The following PIK3C2G variants were observed in gnomAD, a reference collection of about 807,000 sequenced individuals.
PIK3C2G encodes the protein phosphatidylinositol 3-kinase C2 domain-containing subunit gamma.
PIK3C2G carries 168 observed loss-of-function variants against 181.1 expected under a neutral mutation model. That is an observed-to-expected ratio of 0.93 (90% confidence interval 0.82 to 1.05). The LOEUF (loss-of-function observed/expected upper bound fraction) is 1.05, where lower values mean the gene tolerates loss of function less well. Among genes scored for constraint, PIK3C2G ranks in the 50% least tolerant of loss-of-function variants. The probability of loss-of-function intolerance (pLI) is 0.00; values close to 1 mark genes in which losing one functional copy is unlikely to be tolerated. For synonymous variants in PIK3C2G, 573 were observed against 592.2 expected (o/e 0.97, Z 0.47); for missense variants, 1,869 against 1,732.8 (o/e 1.08, Z -1.40).
At chr12:18,426,960 T>C (rs1246974907) in intron 18 of PIK3C2G, among the ~76,000 whole-genome samples, 7 of 152,204 alleles carry the variant, frequency 4.6e-5, no homozygotes, top group African/African-American at 1.7e-4. Flanking sequence ...AATGAAGTCT[T>C]ATTTTCTTCA....
At chr12:18,683,117 C>T in the PIK3C2G span, 12 of 853,662 alleles carry the variant, frequency 1.4e-5, no homozygotes, top group Admixed American at 2.6e-4. Context: ...TGAATGGGCT[C>T]AATATTTCTA....
intron 29 of PIK3C2G, among the ~76,000 whole-genome samples, chr12:18,573,682 C>A (rs1300956298): frequency 1.3e-5 from 2 of 152,176 alleles, no homozygotes; most frequent in African/African-American, 4.8e-5. Context: ...AATGGCCTAA[C>A]CTACTATCAC....
At chr12:18,446,604 G>A (rs1285836450) in intron 18 of PIK3C2G, among the ~76,000 whole-genome samples, 2 of 152,130 alleles carry the variant, frequency 1.3e-5, no homozygotes, top group African/African-American at 4.8e-5. Context: ...CAAGTTGTTT[G>A]AATGGTGCAT....
At position 18,497,701 on chromosome 12, in the gene PIK3C2G, A is replaced by G. The variant is rs771793429; in HGVS notation, c.2969A>G (p.Asp990Gly). 20 of 1,612,622 alleles carry G rather than the reference A, an allele frequency of 1.2e-5. No homozygotes were observed. The highest frequency in any genetic ancestry group is 6.8e-6 in the Non-Finnish European group (8 of 1,178,878). Residue 990 changes from aspartate to glycine, a missense_variant, in exon 22 of 33, where the codon GAT (aspartate) becomes GGT (glycine). Transcript: ENST00000538779. Reference sequence around the variant, plus strand: ...AATATTTGGCTGCAGGAAGGCTTGGATATGCAAATGATCATTTATAGATGT... The same window carrying G: ...AATATTTGGCTGCAGGAAGGCTTGGGTATGCAAATGATCATTTATAGATGT... ...MDNIWLQEGL[D>G]MQMIIYRCLS...
intron 8 of PIK3C2G, among the ~76,000 whole-genome samples, chr12:18,330,162 C>T (rs762090776): frequency 6.6e-6 from 1 of 151,954 alleles, no homozygotes; most frequent in Non-Finnish European, 1.5e-5. Flanking sequence ...AGTCACTTTT[C>T]TTAAAGTTTA....
intron 16 of PIK3C2G, among the ~76,000 whole-genome samples, chr12:18,409,499 A>G (rs564721234): frequency 6.6e-6 from 1 of 152,258 alleles, no homozygotes; most frequent in South Asian, 2.1e-4. Context: ...ATACCTATGT[A>G]ACAAACCTGC....
At chr12:18,543,835 A>G (rs1944291343) in intron 25 of PIK3C2G, among the ~76,000 whole-genome samples, 1 of 151,784 alleles carries the variant, frequency 6.6e-6, no homozygotes. Flanking sequence ...ATTATCCCAG[A>G]CATTTATTAA....
chr12:18,675,705 A>C, the PIK3C2G span, among the ~76,000 whole-genome samples: 1 of 152,172 alleles, frequency 6.6e-6, no homozygotes, highest in Admixed American at 6.6e-5. Flanking sequence ...AAAAAGAATA[A>C]AATTATATCT....
At chr12:18,640,584 T>A (rs1478529518) in intron 32 of PIK3C2G, 30 bp downstream of exon 32, 5 of 1,551,406 alleles carry the variant, frequency 3.2e-6, no homozygotes, top group Non-Finnish European at 3.5e-6. Context: ...TGTCCAGTCA[T>A]TTTGTATTTT....
chr12:18,481,004 C>T (rs2136019124), intron 18 of PIK3C2G, among the ~76,000 whole-genome samples: 1 of 152,246 alleles, frequency 6.6e-6, no homozygotes, highest in Non-Finnish European at 1.5e-5. Context: ...GCAATCTCGG[C>T]TCACTGCAAC....
intron 16 of PIK3C2G, among the ~76,000 whole-genome samples, chr12:18,413,666 C>T (rs1262902664): frequency 6.6e-6 from 1 of 151,932 alleles, no homozygotes. Context: ...TGTTTAAGTC[C>T]CATACTCAAA....
intron 31 of PIK3C2G, among the ~76,000 whole-genome samples, chr12:18,628,272 C>G (rs1364373138): frequency 1.3e-5 from 2 of 151,884 alleles, no homozygotes; most frequent in East Asian, 3.9e-4. Flanking sequence ...AATATTTTCC[C>G]CATATACACA....
chr12:18,610,413 A>AT (rs1948273938), intron 31 of PIK3C2G, among the ~76,000 whole-genome samples: 1 of 152,106 alleles, frequency 6.6e-6, no homozygotes, highest in African/African-American at 2.4e-5. Flanking sequence ...ACTCTTCTCC[A>AT]TATGACACAC....
intron 24 of PIK3C2G, among the ~76,000 whole-genome samples, chr12:18,532,148 T>C (rs1943588397): frequency 7.6e-6 from 1 of 130,986 alleles, no homozygotes; most frequent in African/African-American, 2.7e-5. Flanking sequence ...GAACATCTTT[T>C]TATATGTTTA....
At chr12:18,589,935 T>C (rs902322449) in intron 29 of PIK3C2G, among the ~76,000 whole-genome samples, 2 of 151,914 alleles carry the variant, frequency 1.3e-5, no homozygotes, top group Non-Finnish European at 2.9e-5. Context: ...TCTCTCTTGC[T>C]CTCTCCTGCC....
At chr12:18,501,389 G>C (rs902220998) in intron 22 of PIK3C2G, among the ~76,000 whole-genome samples, 9 of 152,240 alleles carry the variant, frequency 5.9e-5, no homozygotes, top group Admixed American at 5.2e-4. Flanking sequence ...TCACTATCAT[G>C]AGAACAGCAT....
chr12:18,567,202 A>C, intron 29 of PIK3C2G, 145 bp downstream of exon 29: 2 of 561,248 alleles, frequency 3.6e-6, no homozygotes, highest in Admixed American at 3.5e-5. Flanking sequence ...GTTTAAGTCA[A>C]TCCTGGGCCA....
intron 25 of PIK3C2G, among the ~76,000 whole-genome samples, chr12:18,545,174 A>T (rs559005620): frequency 2.0e-5 from 3 of 151,864 alleles, no homozygotes; most frequent in Admixed American, 2.0e-4. Context: ...CCCATGTAAT[A>T]CTCGGTTCCA....
chr12:18,290,780 C>A, intron 3 of PIK3C2G, 75 bp from the exon 4 acceptor site: 1 of 901,438 alleles, frequency 1.1e-6, no homozygotes, highest in African/African-American at 1.7e-5. Flanking sequence ...CTTAAAATTA[C>A]ATTGTGGGCA....
Sources: allele counts gnomAD v4.1 joint callset (sites outside exome capture counted in the v4.1 genomes callset), GRCh38; gene constraint gnomAD v4.1.1; transcripts MANE v1.5; gene names NCBI Gene and HGNC (gene_info 2026-07-23, HGNC 2026-07-21).